ISX: variants seen among roughly 807,000 people sequenced by gnomAD.
ISX encodes intestine-specific homeobox.
A neutral mutation model predicts 16.9 loss-of-function variants in ISX; 15 were observed. That is an observed-to-expected ratio of 0.89 (90% CI 0.59 to 1.36). ISX has a LOEUF of 1.36. ISX is among the 40% of genes most tolerant of loss of function. The probability of loss-of-function intolerance (pLI) is 0.00; values close to 1 mark genes in which losing one functional copy is unlikely to be tolerated. For missense variants in ISX, 316 were observed against 306.1 expected, an observed-to-expected ratio of 1.03 and a Z score of -0.24; for synonymous variants, 125 against 119.7, an observed-to-expected ratio of 1.04 and a Z score of -0.29.
At chr22:35,081,642 G>C (rs1929125318) in intron 2 of ISX, among the ~76,000 whole-genome samples, 1 of 152,150 alleles carries the variant, frequency 6.6e-6, no homozygotes, top group Admixed American at 6.5e-5. Context: ...TTCATGGAGG[G>C]TTGAGGTCAA....
intron 2 of ISX, among the ~76,000 whole-genome samples, chr22:35,070,106 G>T (rs928100117): frequency 6.6e-6 from 1 of 152,138 alleles, no homozygotes; most frequent in Non-Finnish European, 1.5e-5. Flanking sequence ...CAAGAGATGG[G>T]GCCAGGCTAG....
chr22:35,078,184 C>A (rs373178988), intron 2 of ISX, among the ~76,000 whole-genome samples: 2 of 82,812 alleles, frequency 2.4e-5, no homozygotes, highest in East Asian at 2.5e-4. Context: ...TTTTTTTTTG[C>A]AGCTTCCTAC....
intron 1 of ISX, 127 bp downstream of exon 1, chr22:35,066,589 C>T (rs75730376): frequency 1.7e-3 from 270 of 161,374 alleles, no homozygotes; most frequent in South Asian, 3.7e-3. Context: ...GCACTCCAAC[C>T]TCCTCCTAAA....
intron 2 of ISX, among the ~76,000 whole-genome samples, chr22:35,078,335 A>T (rs1929037562): frequency 6.6e-6 from 1 of 152,188 alleles, no homozygotes; most frequent in Non-Finnish European, 1.5e-5. Context: ...GGTGCTGGTT[A>T]CAGAGATGAC....
At position 35,066,422 on chromosome 22, in the gene ISX, G is replaced by T; in HGVS notation, c.-377G>T. On this transcript the variant is annotated 5_prime_UTR_variant, in exon 1 of 5. Transcript: ENST00000404699. ...AGCACCCAGGGACCCCCTTTCCTCA[G>T]CCTCCACCTGCAGGACAGCAGGAGC... 6.5e-6 allele frequency: 1 copy of T among 153,148 alleles called. No individual in the cohort carries two copies. Among genetic ancestry groups the T allele is most frequent in the Non-Finnish European group, 1.5e-5 (1 of 68,704 alleles). The allele number at this position is 153,148 out of a possible 1,614,324, so 9.5% of individuals were successfully genotyped here.
intron 2 of ISX, among the ~76,000 whole-genome samples, chr22:35,081,645 G>A (rs1411535773): frequency 6.6e-6 from 1 of 152,162 alleles, no homozygotes; most frequent in Non-Finnish European, 1.5e-5. Context: ...ATGGAGGGTT[G>A]AGGTCAAGCA....
intron 2 of ISX, among the ~76,000 whole-genome samples, chr22:35,068,299 T>C (rs185675001): frequency 5.3e-5 from 8 of 152,186 alleles, no homozygotes; most frequent in Admixed American, 1.3e-4. Context: ...TTAATGTCAT[T>C]ACCTGCCATA....
rs755648880 is a variant in ISX, at chr22:35,082,606, C to T, written c.318C>T (p.Tyr106=). 1.9e-6 allele frequency: 3 copies of T among 1,614,212 alleles called. No individual in the cohort carries two copies. The Admixed American group carries it at 5.0e-5, about 27-fold the overall frequency. ...ELEKIFHFTH[Y]PDVHIRSQLA... ...AGAAGATCTTCCACTTTACCCACTA[C>T]CCAGACGTTCACATCCGCAGCCAGC... The change falls in exon 3 of 5, where the codon TAC becomes TAT. Residue 106 remains tyrosine (Y), a synonymous_variant. Transcript: ENST00000404699.
At chr22:35,085,317 C>T (rs1423874338) in intron 4 of ISX, 137 bp from the exon 5 acceptor site, 2 of 1,072,782 alleles carry the variant, frequency 1.9e-6, no homozygotes, top group African/African-American at 1.6e-5. Flanking sequence ...AGAGCTAAAC[C>T]CAGAAGGTCC....
At chr22:35,069,451 T>A (rs1353288755) in intron 2 of ISX, among the ~76,000 whole-genome samples, 1 of 152,184 alleles carries the variant, frequency 6.6e-6, no homozygotes, top group Non-Finnish European at 1.5e-5. Flanking sequence ...TCTCCCCACC[T>A]GTAACATGAA....
Position 35,085,873 on chromosome 22 carries a change from T to C in ISX, c.*180T>C. ...CCAGACTCAAAAGCAAACTAAACAA[T>C]AAAGGACAGCTCTCTTCTCTCCTGG... is the stretch of plus-strand genomic sequence containing the variant. On this transcript the variant is annotated 3_prime_UTR_variant, in exon 5 of 5. Coordinates refer to ENST00000404699, the MANE Select transcript of ISX (RefSeq NM_001303508.2). The C allele has an allele frequency of 1.5e-6, 1 of 676,264 alleles. No individual in the cohort carries two copies. The highest frequency in any genetic ancestry group is 2.5e-6 in the Non-Finnish European group (1 of 398,194). 41.9% of individuals were successfully genotyped at this position (676,264 alleles called of 1,614,324 possible).
At chr22:35,071,875 G>A (rs1408845943) in intron 2 of ISX, among the ~76,000 whole-genome samples, 10 of 151,788 alleles carry the variant, frequency 6.6e-5, no homozygotes, top group East Asian at 3.9e-4. Context: ...CCTCCTTTCC[G>A]TAGCCCTCCT....
intron 2 of ISX, among the ~76,000 whole-genome samples, chr22:35,080,970 G>A (rs5750057): frequency 0.017 from 2,545 of 152,306 alleles, 53 homozygotes; most frequent in East Asian, 0.078. Flanking sequence ...ATCAAGGACC[G>A]AGCCTTCAGC....
At chr22:35,069,697 C>T (rs1928798897) in intron 2 of ISX, among the ~76,000 whole-genome samples, 1 of 152,190 alleles carries the variant, frequency 6.6e-6, no homozygotes, top group Non-Finnish European at 1.5e-5. Context: ...GTGCTTACTG[C>T]TGCTGGCTGA....
chr22:35,082,478 A>G, intron 2 of ISX, 40 bp from the exon 3 acceptor site: 1 of 1,607,276 alleles, frequency 6.2e-7, no homozygotes, highest in Non-Finnish European at 8.5e-7. Context: ...AGGTGCTGAC[A>G]CCAAGGCCAC....
At chr22:35,071,131 C>T (rs562719392) in intron 2 of ISX, among the ~76,000 whole-genome samples, 17 of 152,308 alleles carry the variant, frequency 1.1e-4, no homozygotes, top group South Asian at 4.1e-4. Flanking sequence ...ACACCCTCCC[C>T]GGCCCTGTCT....
At position 35,086,328 on chromosome 22, in the gene ISX, C is replaced by T. The variant is rs1929254735; in HGVS notation, c.*635C>T. 2 of 153,342 alleles carry T rather than the reference C, an allele frequency of 1.3e-5. No individual in the cohort carries two copies. The highest frequency in any genetic ancestry group is 1.3e-4 in the Admixed American group (2 of 15,510). 9.5% of individuals were successfully genotyped at this position (153,342 alleles called of 1,614,324 possible). A position where few individuals can be genotyped will look rare whatever the true frequency, so the allele number is the denominator to read the frequency against. On this transcript the variant is annotated 3_prime_UTR_variant, in exon 5 of 5. Coordinates refer to ENST00000404699, the MANE Select transcript of ISX (RefSeq NM_001303508.2). The stretch of plus-strand genomic sequence containing the variant: ...CTAACACATTCTTTATGACTGTGAG[C>T]ATCTCAGAGTGAGAGAAAAATGTAG...
At chr22:35,075,680 A>T (rs907553109) in intron 2 of ISX, among the ~76,000 whole-genome samples, 1 of 152,214 alleles carries the variant, frequency 6.6e-6, no homozygotes, top group Non-Finnish European at 1.5e-5. Context: ...GGGGGAGTAC[A>T]CATGCTAAAA....
intron 2 of ISX, among the ~76,000 whole-genome samples, chr22:35,071,134 C>A (rs1242169479): frequency 6.6e-6 from 1 of 152,196 alleles, no homozygotes; most frequent in Non-Finnish European, 1.5e-5. Flanking sequence ...CCCTCCCCGG[C>A]CCTGTCTACC....
Sources: allele counts gnomAD v4.1 joint callset (sites outside exome capture counted in the v4.1 genomes callset), GRCh38; gene constraint gnomAD v4.1.1; transcripts MANE v1.5; gene names NCBI Gene and HGNC (gene_info 2026-07-23, HGNC 2026-07-21).